The following TRHDE variants were observed in gnomAD, a reference collection of about 807,000 sequenced individuals.
TRHDE encodes the protein thyrotropin releasing hormone degrading enzyme.
In TRHDE, 72 loss-of-function variants were observed where a neutral mutation model predicts 125.7. The ratio of observed to expected loss-of-function variants is 0.57; its 90% CI spans 0.47 to 0.70. The LOEUF (loss-of-function observed/expected upper bound fraction) is 0.70, where lower values mean the gene tolerates loss of function less well. Among genes scored for constraint, TRHDE ranks in the 30% least tolerant of loss-of-function variants. TRHDE has a pLI of 0.00. For synonymous variants in TRHDE, 509 were observed against 509.1 expected (o/e 1.00, Z 0.00); for missense variants, 1,110 against 1,327.1 (o/e 0.84, Z 2.54).
At chr12:72,211,910 A>T (rs1877790595) in intron 2 of TRHDE, among the ~76,000 whole-genome samples, 1 of 152,106 alleles carries the variant, frequency 6.6e-6, no homozygotes, top group Middle Eastern at 3.2e-3. Context: ...CAGAAAAGCC[A>T]AGTCCAAAAA....
In TRHDE at chr12:72,277,127, G is replaced by A. The variant is rs569911705; in HGVS notation, c.914+3570G>A. On this transcript the variant is annotated intron_variant, in intron 1 of 18. Transcript: ENST00000261180. The stretch of plus-strand genomic sequence containing the variant: ...GGTCTATAACATGCCAAAGTGAGAC[G>A]ACATTAAAAATATGAGGTCCTTTTC... 2.0e-5 allele frequency among the ~76,000 whole-genome samples: 3 copies of A among 152,192 alleles called. No individual in the cohort carries two copies. In the East Asian group the frequency reaches 5.8e-4, roughly 29 times the overall value.
At chr12:72,457,792 A>T (rs563478054) in intron 3 of TRHDE, among the ~76,000 whole-genome samples, 4 of 152,312 alleles carry the variant, frequency 2.6e-5, no homozygotes, top group African/African-American at 9.6e-5. Context: ...TTTAAAGGTA[A>T]CCACTTCATA....
At chr12:72,637,752 G>A (rs1415217619) in intron 15 of TRHDE, among the ~76,000 whole-genome samples, 1 of 152,118 alleles carries the variant, frequency 6.6e-6, no homozygotes, top group Non-Finnish European at 1.5e-5. Context: ...TGCCTTCATT[G>A]TGTTATGTAC....
intron 6 of TRHDE, among the ~76,000 whole-genome samples, chr12:72,515,414 T>C (rs1339390017): frequency 1.6e-4 from 24 of 151,234 alleles, no homozygotes; most frequent in Non-Finnish European, 3.1e-4. Context: ...TTTCATGTGT[T>C]TTTTGGCTGC....
intron 2 of TRHDE, among the ~76,000 whole-genome samples, chr12:72,309,421 G>A (rs1369354403): frequency 6.6e-6 from 1 of 152,090 alleles, no homozygotes; most frequent in Non-Finnish European, 1.5e-5. Flanking sequence ...CTGGAAAGGT[G>A]AGATCAATGA....
chr12:72,190,307 C>G (rs1355244354), intron 2 of TRHDE, among the ~76,000 whole-genome samples: 2 of 152,182 alleles, frequency 1.3e-5, no homozygotes, highest in Admixed American at 1.3e-4. Flanking sequence ...AGAAAAAGTT[C>G]AAGTCTGGCT....
At chr12:72,143,999 G>T (rs1208987995) in intron 2 of TRHDE, among the ~76,000 whole-genome samples, 1 of 152,158 alleles carries the variant, frequency 6.6e-6, no homozygotes, top group African/African-American at 2.4e-5. Context: ...TGTAACTATA[G>T]ATTGGAAAGA....
chr12:72,396,770 C>A (rs58795920), intron 3 of TRHDE, among the ~76,000 whole-genome samples: 3 of 151,912 alleles, frequency 2.0e-5, no homozygotes, highest in African/African-American at 7.2e-5. Flanking sequence ...AAACAAAAAA[C>A]AAAAAAACTT....
chr12:72,164,405 AG>A (rs1876700636), intron 2 of TRHDE, among the ~76,000 whole-genome samples: 1 of 152,322 alleles, frequency 6.6e-6, no homozygotes, highest in East Asian at 1.9e-4. Flanking sequence ...GGAAGGCGCC[AG>A]GTTCAAGAGG....
chr12:72,381,528 TG>T (rs765900993), intron 3 of TRHDE, among the ~76,000 whole-genome samples: 1 of 150,524 alleles, frequency 6.6e-6, no homozygotes, highest in Admixed American at 6.6e-5. Context: ...CCCAAGTAGC[TG>T]GGACTACAGG....
intron 7 of TRHDE, among the ~76,000 whole-genome samples, chr12:72,549,642 T>A (rs1180985439): frequency 1.3e-5 from 2 of 151,840 alleles, no homozygotes; most frequent in Non-Finnish European, 2.9e-5. Context: ...TGGATTTGAC[T>A]TAATTGGCAT....
Position 72,348,281 on chromosome 12 carries a change from T to C in TRHDE, c.1189-29714T>C, listed in dbSNP as rs549638455. On this transcript the variant is annotated intron_variant, in intron 2 of 18. Coordinates refer to ENST00000261180, the MANE Select transcript of TRHDE (RefSeq NM_013381.3). ...TGTCAGTCATCTTGGATGTTATTTC[T>C]TTAATCCCATTAAAGCAATAGAAAG... 2.6e-5 allele frequency among the ~76,000 whole-genome samples: 4 copies of C among 152,108 alleles called. No homozygotes were observed. In the South Asian group the frequency reaches 8.3e-4, roughly 32 times the overall value.
intron 17 of TRHDE, among the ~76,000 whole-genome samples, chr12:72,654,144 C>T (rs1458233276): frequency 1.3e-5 from 2 of 152,122 alleles, no homozygotes. Context: ...TTAATGTATA[C>T]AAACATTTAA....
At chr12:72,226,651 A>G (rs773692404) in intron 2 of TRHDE, among the ~76,000 whole-genome samples, 13 of 152,340 alleles carry the variant, frequency 8.5e-5, no homozygotes, top group Non-Finnish European at 1.6e-4. Flanking sequence ...TATTTGACTT[A>G]CTGCAATGAA....
chr12:72,621,808 C>T, intron 15 of TRHDE, 57 bp downstream of exon 15: 2 of 1,250,710 alleles, frequency 1.6e-6, no homozygotes, highest in Non-Finnish European at 1.1e-6. Context: ...TTCAGAGTCT[C>T]AGTGGATGCA....
chr12:72,350,048 A>G (rs140498718), intron 2 of TRHDE, among the ~76,000 whole-genome samples: 2 of 152,080 alleles, frequency 1.3e-5, no homozygotes, highest in African/African-American at 2.4e-5. Flanking sequence ...TCCATATTCC[A>G]TATACTTTTT....
At chr12:72,625,125 A>G (rs1873206618) in intron 15 of TRHDE, among the ~76,000 whole-genome samples, 1 of 151,960 alleles carries the variant, frequency 6.6e-6, no homozygotes, top group Non-Finnish European at 1.5e-5. Flanking sequence ...TCTCTTTGTT[A>G]AAACACAATG....
chr12:72,160,583 G>C (rs1876615035), intron 2 of TRHDE, among the ~76,000 whole-genome samples: 1 of 152,220 alleles, frequency 6.6e-6, no homozygotes, highest in Admixed American at 6.5e-5. Flanking sequence ...CAGCTACTTG[G>C]GAGGCTGAGG....
chr12:72,653,522 A>C (rs960530424), intron 17 of TRHDE, among the ~76,000 whole-genome samples: 3 of 152,128 alleles, frequency 2.0e-5, no homozygotes, highest in African/African-American at 7.2e-5. Context: ...ATAAAAATAA[A>C]ACGTTAATTA....
Sources: gnomAD v4.1 joint callset for allele counts (sites outside exome capture counted in the v4.1 genomes callset) on GRCh38, gnomAD v4.1.1 for gene constraint, MANE v1.5 for transcripts, NCBI Gene and HGNC (gene_info 2026-07-23, HGNC 2026-07-21) for gene names.